Variants in PPP2R5C observed in about 807,000 individuals in gnomAD.
The protein encoded by PPP2R5C is serine/threonine-protein phosphatase 2A 56 kDa regulatory subunit gamma isoform.
A neutral mutation model predicts 68.9 loss-of-function variants in PPP2R5C; 7 were observed. The observed-to-expected ratio is 0.10, with a 90% confidence interval of 0.06 to 0.19. The LOEUF is 0.19. Among genes scored for constraint, PPP2R5C ranks in the 10% least tolerant of loss-of-function variants. PPP2R5C has a pLI of 1.00. For missense variants in PPP2R5C, 348 were observed against 641.3 expected (o/e 0.54, Z 4.94); for synonymous variants, 210 against 222.2 (o/e 0.95, Z 0.49).
intron 2 of PPP2R5C, among the ~76,000 whole-genome samples, chr14:101,873,345 A>G (rs764495378): frequency 9.2e-5 from 14 of 152,194 alleles, no homozygotes; most frequent in African/African-American, 2.4e-4. Context: ...GTTGAGTGCT[A>G]TATCTCTATT....
chr14:101,792,876 T>TA (rs2038422785), intron 3 of PPP2R5C, among the ~76,000 whole-genome samples: 2 of 116,998 alleles, frequency 1.7e-5, no homozygotes, highest in Non-Finnish European at 3.8e-5. Context: ...TCAGCCATTT[T>TA]TCTTTTCTTT....
upstream of PPP2R5C, among the ~76,000 whole-genome samples, chr14:101,805,252 G>A (rs992263707): frequency 1.1e-4 from 16 of 152,136 alleles, no homozygotes; most frequent in Admixed American, 1.0e-3. Context: ...TTTCAGTAAA[G>A]ATGGGGTTTC....
chr14:101,807,756 G>A (rs1215997273), upstream of PPP2R5C, among the ~76,000 whole-genome samples: 1 of 151,558 alleles, frequency 6.6e-6, no homozygotes, highest in Admixed American at 6.6e-5. Flanking sequence ...AAGAGTGTGG[G>A]GTAAATCACT....
chr14:101,767,619 C>G (rs1387525810), intron 2 of PPP2R5C, among the ~76,000 whole-genome samples: 2 of 152,120 alleles, frequency 1.3e-5, no homozygotes, highest in Non-Finnish European at 2.9e-5. Context: ...AAGAGAAGAC[C>G]AAGAGAAGTA....
At chr14:101,805,338 G>A (rs925171917), upstream of PPP2R5C, among the ~76,000 whole-genome samples, 4 of 152,182 alleles carry the variant, frequency 2.6e-5, no homozygotes, top group South Asian at 4.1e-4. Context: ...AGAAAGCGCT[G>A]GGATTACAGG....
intron 2 of PPP2R5C, among the ~76,000 whole-genome samples, chr14:101,777,532 T>G (rs2037486582): frequency 6.6e-6 from 1 of 151,980 alleles, no homozygotes. Flanking sequence ...GTATTCTTAG[T>G]AGGGATGGGG....
intron 2 of PPP2R5C, among the ~76,000 whole-genome samples, chr14:101,861,637 AC>A (rs1375344881): frequency 6.6e-6 from 1 of 151,992 alleles, no homozygotes; most frequent in African/African-American, 2.4e-5. Context: ...TGGTCTTAGG[AC>A]TCTATGATGA....
rs935732406 is a variant in PPP2R5C at position 101,825,003 on chromosome 14, C to A, written c.94+14967C>A. 2.0e-5 allele frequency: 3 copies of A among 152,214 alleles called. No homozygotes were observed. Among genetic ancestry groups the A allele is most frequent in the African/African-American group, 7.2e-5 (3 of 41,438 alleles). 9.4% of individuals were successfully genotyped at this position (152,214 alleles called of 1,614,324 possible). A position where few individuals can be genotyped will look rare whatever the true frequency, so the allele number is the denominator to read the frequency against. On this transcript the variant is annotated intron_variant, in intron 1 of 13. Coordinates refer to ENST00000334743, the Ensembl canonical transcript of PPP2R5C. This position sits in a 1 kb window ranked among gnomAD's most constrained non-coding sequence, Gnocchi z 4.0. ...TATGTCAAAAGGGTGTAAGTAGCAT[C>A]CCTTTATGACTGATGAAAGGAGAGC... is the stretch of plus-strand genomic sequence containing the variant.
intron 3 of PPP2R5C, among the ~76,000 whole-genome samples, chr14:101,795,379 T>C (rs530110943): frequency 6.6e-6 from 1 of 152,294 alleles, no homozygotes; most frequent in South Asian, 2.1e-4. Context: ...AAAAAGGTAT[T>C]TCATATTTTT....
At position 101,882,290 on chromosome 14, in the gene PPP2R5C, T is replaced by C. The variant is rs2140894667; in HGVS notation, c.405+19T>C. The stretch of plus-strand genomic sequence containing the variant: ...TCTACAGGTATCGGGCTCTGGGTGA[T>C]AGACTCGGAGGGCACTGGTGACACA... On this transcript the variant is annotated intron_variant, in intron 3 of 13. Coordinates refer to ENST00000334743, the Ensembl canonical transcript of PPP2R5C. The surrounding 1 kb of genome is among the most constrained non-coding windows in gnomAD (Gnocchi z 4.9). The C allele has an allele frequency of 6.3e-7, 1 of 1,577,934 alleles. No homozygotes were observed. The highest frequency in any genetic ancestry group is 1.1e-5 in the South Asian group (1 of 88,112).
Position 101,880,916 on chromosome 14 carries a change from C to T in PPP2R5C, c.295-1245C>T, listed in dbSNP as rs558017082. Among the ~76,000 whole-genome samples, 6 of 152,108 alleles carry T rather than the reference C, an allele frequency of 3.9e-5. 1 individual carries two copies. Among genetic ancestry groups the T allele is most frequent in the South Asian group, 4.1e-4 (2 of 4,826 alleles). The stretch of plus-strand genomic sequence containing the variant: ...CCTGGACTCTCTAGAAACATCTTCT[C>T]GTTGTTATCGTAGAGTCAGATTTTA... On this transcript the variant is annotated intron_variant, in intron 2 of 13. Coordinates refer to ENST00000334743, the Ensembl canonical transcript of PPP2R5C.
chr14:101,821,860 C>T (rs549105376), intron 1 of PPP2R5C, among the ~76,000 whole-genome samples: 20 of 151,980 alleles, frequency 1.3e-4, no homozygotes, highest in African/African-American at 3.4e-4. Context: ...GTGTGATGAC[C>T]GGGCCAGAGT....
chr14:101,761,677 A>ACGCCGCCGC (rs1382018631), upstream of PPP2R5C: 1 of 192,874 alleles, frequency 5.2e-6, no homozygotes, highest in Non-Finnish European at 8.3e-6. Context: ...GGGCGGAGAG[A>ACGCCGCCGC]CGCCGCCGCT....
At chr14:101,802,731 A>G (rs1048144937) in intron 3 of PPP2R5C, among the ~76,000 whole-genome samples, 3 of 152,210 alleles carry the variant, frequency 2.0e-5, no homozygotes, top group African/African-American at 4.8e-5. Context: ...TATAACTGAT[A>G]AGGAGTTAAT....
chr14:101,883,297 A>G (rs1595463212), exon 4 of PPP2R5C: 3 of 1,588,456 alleles, frequency 1.9e-6, no homozygotes, highest in Non-Finnish European at 2.6e-6. Context: ...GAGTCTCCAG[A>G]TTTCCAACCT....
intron 13 of PPP2R5C, chr14:101,922,138 TTTTCCC>T: frequency 3.0e-6 from 3 of 985,108 alleles, no homozygotes; most frequent in Non-Finnish European, 3.6e-6. Context: ...ACATGAAGTA[TTTTCCC>T]TTTTGTCCAT....
intron 1 of PPP2R5C, chr14:101,836,306 G>T (rs995506486): frequency 1.0e-4 from 70 of 702,732 alleles, no homozygotes; most frequent in Non-Finnish European, 1.8e-4. Context: ...GGACGGAGCT[G>T]CCAGCCTTCT....
At chr14:101,870,117 G>A (rs541328063) in intron 2 of PPP2R5C, among the ~76,000 whole-genome samples, 5 of 133,486 alleles carry the variant, frequency 3.7e-5, no homozygotes, top group East Asian at 2.2e-4. Flanking sequence ...GATTTTTTGC[G>A]AGATACATGA....
intron 9 of PPP2R5C, among the ~76,000 whole-genome samples, chr14:101,903,397 G>A (rs965467753): frequency 6.6e-6 from 1 of 152,156 alleles, no homozygotes; most frequent in Non-Finnish European, 1.5e-5. Flanking sequence ...CCAGTGGCTT[G>A]GGTGCCACTC....
Sources: allele counts gnomAD v4.1 joint callset (sites outside exome capture counted in the v4.1 genomes callset), GRCh38; gene constraint gnomAD v4.1.1; non-coding constraint Gnocchi (gnomAD v3.1); transcripts MANE v1.5; gene names NCBI Gene and HGNC (gene_info 2026-07-23, HGNC 2026-07-21).